The following DPY19L4 variants were observed in gnomAD, a reference collection of about 807,000 sequenced individuals.
DPY19L4 encodes the protein dpy-19 like 4, also known as probable C-mannosyltransferase DPY19L4.
In DPY19L4, 97 loss-of-function variants were observed where a neutral mutation model predicts 102.8. The observed-to-expected ratio is 0.94, with a 90% CI of 0.80 to 1.12. The LOEUF (loss-of-function observed/expected upper bound fraction) is 1.12, where lower values mean the gene tolerates loss of function less well. DPY19L4 is among the 50% of genes most tolerant of loss of function. The pLI is 0.00. For synonymous variants in DPY19L4, 252 were observed against 283.1 expected, an observed-to-expected ratio of 0.89 and a Z score of 1.10; for missense variants, 815 against 850.4, an observed-to-expected ratio of 0.96 and a Z score of 0.52.
intron 13 of DPY19L4, among the ~76,000 whole-genome samples, chr8:94,771,081 A>AT (rs1027756415): frequency 1.2e-4 from 18 of 151,942 alleles, no homozygotes; most frequent in African/African-American, 2.2e-4. Flanking sequence ...CACCTGGCTA[A>AT]TTTTTTTGTA....
In DPY19L4 at chr8:94,756,070, T is replaced by G; in HGVS notation, c.646T>G (p.Leu216Val). Residue 216 changes from leucine to valine, a missense_variant, in exon 7 of 19, where the codon TTA (leucine) becomes GTA (valine). Coordinates refer to ENST00000414645, the MANE Select transcript of DPY19L4 (RefSeq NM_181787.3). ...DTTRIEYSIP[L>V]RENWALPYFA... ...AACAAGAATTGAATACTCCATTCCT[T>G]TAAGAGAAAACTGGGCACTACCATA... 6.2e-7 allele frequency: 1 copy of G among 1,613,148 alleles called. No homozygotes were observed. Among genetic ancestry groups the G allele is most frequent in the Non-Finnish European group, 8.5e-7 (1 of 1,179,888 alleles).
intron 6 of DPY19L4, among the ~76,000 whole-genome samples, chr8:94,740,461 T>G (rs1360656327): frequency 1.3e-5 from 2 of 152,094 alleles, no homozygotes; most frequent in Non-Finnish European, 2.9e-5. Flanking sequence ...TGTTTTTGTT[T>G]TTCATTTTTT....
intron 2 of DPY19L4, 71 bp downstream of exon 2, chr8:94,726,512 A>G (rs1276164684): frequency 1.1e-5 from 13 of 1,195,804 alleles, no homozygotes; most frequent in African/African-American, 3.1e-5. Context: ...TTTTATGTCA[A>G]TATTTTAAAT....
chr8:94,786,022 C>T (rs1444179488), intron 17 of DPY19L4, among the ~76,000 whole-genome samples: 2 of 152,098 alleles, frequency 1.3e-5, no homozygotes, highest in African/African-American at 4.8e-5. Context: ...AAACCTTTGT[C>T]TTTCTCTATG....
intron 12 of DPY19L4, among the ~76,000 whole-genome samples, chr8:94,770,140 G>A (rs1812862117): frequency 6.6e-6 from 1 of 152,016 alleles, no homozygotes; most frequent in African/African-American, 2.4e-5. Context: ...GCCCACCTTG[G>A]CCTCCCAAAG....
chr8:94,762,121 T>A (rs1812418855), intron 8 of DPY19L4, among the ~76,000 whole-genome samples: 1 of 152,108 alleles, frequency 6.6e-6, no homozygotes, highest in Non-Finnish European at 1.5e-5. Context: ...AATGTAGAAA[T>A]GTAGAACAGG....
At chr8:94,764,681 C>CTGTGTGTGTGTG (rs1283759337) in intron 8 of DPY19L4, among the ~76,000 whole-genome samples, 1,512 of 68,972 alleles carry the variant, frequency 0.022, 65 homozygotes, top group Non-Finnish European at 0.03. Context: ...GTGTGTGTGT[C>CTGTGTGTGTGTG]TGTGTGTGTA....
intron 3 of DPY19L4, among the ~76,000 whole-genome samples, chr8:94,735,733 T>C (rs1248283133): frequency 6.6e-6 from 1 of 152,272 alleles, no homozygotes; most frequent in African/African-American, 2.4e-5. Context: ...GTCAGGAGCA[T>C]TGGCAGAATC....
At chr8:94,764,689 G>GTATATATATATA (rs1189470959) in intron 8 of DPY19L4, among the ~76,000 whole-genome samples, 2 of 43,212 alleles carry the variant, frequency 4.6e-5, no homozygotes, top group African/African-American at 2.3e-4. Flanking sequence ...GTCTGTGTGT[G>GTATATATATATA]TATATATATA....
At chr8:94,752,046 A>G (rs567228476) in intron 6 of DPY19L4, among the ~76,000 whole-genome samples, 149 of 152,210 alleles carry the variant, frequency 9.8e-4, no homozygotes, top group African/African-American at 3.3e-3. Flanking sequence ...GTGGGGACAT[A>G]TGCTTTCATT....
chr8:94,740,425 A>G (rs1179149947), intron 6 of DPY19L4, among the ~76,000 whole-genome samples: 1 of 151,952 alleles, frequency 6.6e-6, no homozygotes, highest in African/African-American at 2.4e-5. Flanking sequence ...TCTATTTACA[A>G]TACTGTTTTG....
chr8:94,728,613 T>C (rs530977315), intron 2 of DPY19L4, among the ~76,000 whole-genome samples: 2 of 152,358 alleles, frequency 1.3e-5, no homozygotes, highest in South Asian at 2.1e-4. Context: ...AAGAAAACTA[T>C]ATTTGGGAGC....
intron 7 of DPY19L4, among the ~76,000 whole-genome samples, chr8:94,760,401 C>T (rs1167498302): frequency 6.6e-6 from 1 of 152,212 alleles, no homozygotes; most frequent in African/African-American, 2.4e-5. Flanking sequence ...GCCCTGTGCA[C>T]AGCTATGGTG....
chr8:94,768,632 C>A, intron 12 of DPY19L4, 79 bp downstream of exon 12: 1 of 872,954 alleles, frequency 1.1e-6, no homozygotes, highest in Non-Finnish European at 1.6e-6. Context: ...AATATTCTTC[C>A]AAGATTTCTG....
intron 17 of DPY19L4, among the ~76,000 whole-genome samples, chr8:94,784,279 C>T (rs186568967): frequency 0.014 from 2,078 of 152,058 alleles, 24 homozygotes; most frequent in Non-Finnish European, 0.022. Flanking sequence ...GGCGCAATCT[C>T]GGCTCACTGC....
intron 3 of DPY19L4, among the ~76,000 whole-genome samples, chr8:94,736,099 G>T (rs1174969381): frequency 1.3e-5 from 2 of 152,126 alleles, no homozygotes; most frequent in Non-Finnish European, 2.9e-5. Flanking sequence ...TTGCTTCCTG[G>T]TTTATAGCAG....
chr8:94,776,538 G>A (rs1332590410), intron 13 of DPY19L4, among the ~76,000 whole-genome samples: 3 of 150,086 alleles, frequency 2.0e-5, no homozygotes, highest in Non-Finnish European at 4.4e-5. Context: ...GGTTAACATT[G>A]CACATGAAGT....
chr8:94,787,452 G>A lies in DPY19L4; in HGVS notation c.1849-442G>A, dbSNP rs373065714. On this transcript the variant is annotated intron_variant, in intron 17 of 18. Transcript: ENST00000414645. ...AGGCAGCTATGGTGACAGGTAGGAG[G>A]CAGCTACTGGATATTCTGCAAATAG... Among the ~76,000 whole-genome samples the A allele has an allele frequency of 4.5e-4, 68 of 152,194 alleles. No individual in the cohort carries two copies. In the South Asian group the frequency reaches 8.5e-3, roughly 19 times the overall value.
chr8:94,783,438 C>G (rs1813518969), intron 16 of DPY19L4, among the ~76,000 whole-genome samples: 1 of 150,762 alleles, frequency 6.6e-6, no homozygotes, highest in Non-Finnish European at 1.5e-5. Context: ...ATTGTCTTCC[C>G]CCTGCTCCCT....
Sources: gnomAD v4.1 joint callset for allele counts (sites outside exome capture counted in the v4.1 genomes callset) on GRCh38, gnomAD v4.1.1 for gene constraint, MANE v1.5 for transcripts, NCBI Gene and HGNC (gene_info 2026-07-23, HGNC 2026-07-21) for gene names.